Variants in ESR2 observed in about 807,000 individuals in gnomAD.
ESR2 encodes estrogen receptor beta.
A neutral mutation model predicts 49.6 loss-of-function variants in ESR2; 36 were observed. The ratio of observed to expected loss-of-function variants is 0.73; its 90% CI spans 0.56 to 0.96. The LOEUF is 0.96. Ranked by LOEUF, ESR2 falls within the 40% of genes least tolerant of loss-of-function variation. The pLI, the probability that ESR2 is intolerant of heterozygous loss-of-function variation, is 0.00. For missense variants in ESR2, 714 were observed against 693.0 expected (o/e 1.03, Z -0.34); for synonymous variants, 320 against 266.1 (o/e 1.20, Z -1.97).
intron 5 of ESR2, chr14:64,260,051 T>C (rs1284668900): frequency 6.6e-6 from 3 of 455,300 alleles, no homozygotes; most frequent in Admixed American, 4.7e-5. Context: ...AGACCACCTC[T>C]AGGCATGAGA....
At chr14:64,252,079 G>A (rs1253935202) in intron 6 of ESR2, among the ~76,000 whole-genome samples, 3 of 152,172 alleles carry the variant, frequency 2.0e-5, no homozygotes, top group African/African-American at 4.8e-5. Context: ...GCTTTGGGGA[G>A]GCCAAAGTGG....
rs528518112 is a variant in ESR2, at chr14:64,290,571, T to C, written c.-91+3462A>G. Among the ~76,000 whole-genome samples, 4 of 152,092 alleles carry C rather than the reference T, an allele frequency of 2.6e-5. No homozygotes were observed. In the South Asian group the frequency reaches 8.3e-4, roughly 32 times the overall value. On this transcript the variant is annotated intron_variant, in intron 1 of 8. Coordinates refer to ENST00000341099, the MANE Select transcript of ESR2 (RefSeq NM_001437.3). The stretch of plus-strand genomic sequence containing the variant: ...GCTTGAGCCACCATGGCCAGCTAAT[T>C]TTTTGTATTCTTAACAGAGACAAGG...
At chr14:64,310,286 A>AAAAAAAAAAAAAAAAAAAAATAAT (rs1555595498) in intron 1 of ESR2, among the ~76,000 whole-genome samples, 5 of 142,460 alleles carry the variant, frequency 3.5e-5, no homozygotes, top group African/African-American at 1.3e-4. Context: ...TCGTCTCAAA[A>AAAAAAAAAAAAAAAAAAAAATAAT]AATAATAATA....
At chr14:64,256,544 C>A (rs2076099364) in intron 6 of ESR2, among the ~76,000 whole-genome samples, 1 of 152,088 alleles carries the variant, frequency 6.6e-6, no homozygotes, top group Non-Finnish European at 1.5e-5. Flanking sequence ...GCCTGGCCAA[C>A]ATGGTGAAAC....
At chr14:64,284,301 A>G (rs559882155) in intron 1 of ESR2, among the ~76,000 whole-genome samples, 2 of 152,044 alleles carry the variant, frequency 1.3e-5, no homozygotes, top group East Asian at 1.9e-4. Context: ...AAGTGAGCAC[A>G]AGGCTGGGGG....
intron 6 of ESR2, 101 bp from the exon 7 acceptor site, chr14:64,249,780 ACATGTT>A: frequency 1.6e-6 from 2 of 1,219,602 alleles, no homozygotes; most frequent in Non-Finnish European, 2.3e-6. Context: ...TCATCTTGTA[ACATGTT>A]CATCTGATAA....
At position 64,234,950 on chromosome 14, in the gene ESR2, C is replaced by T; in HGVS notation, c.1406+20G>A. 6.2e-7 allele frequency: 1 copy of T among 1,609,252 alleles called. No individual in the cohort carries two copies. Among genetic ancestry groups the T allele is most frequent in the Non-Finnish European group, 8.5e-7 (1 of 1,175,976 alleles). On this transcript the variant is annotated intron_variant, in intron 8 of 8. Transcript: ENST00000341099. Reference sequence around the variant, plus strand: ...AATCCCATCCCAAGCCCAAGCAGAGCAGCTCCTTAGGGCGCGTACCTCGCA... The same window carrying T: ...AATCCCATCCCAAGCCCAAGCAGAGTAGCTCCTTAGGGCGCGTACCTCGCA...
chr14:64,305,667 T>G (rs1036903549), intron 1 of ESR2, among the ~76,000 whole-genome samples: 6 of 151,652 alleles, frequency 4.0e-5, no homozygotes, highest in African/African-American at 1.5e-4. Flanking sequence ...CGAGACTCTG[T>G]CTCAATAAAT....
intron 1 of ESR2, among the ~76,000 whole-genome samples, chr14:64,323,405 A>C (rs1296322072): frequency 6.6e-6 from 1 of 151,992 alleles, no homozygotes; most frequent in Non-Finnish European, 1.5e-5. Context: ...ACAGAGCTTC[A>C]CCATGTTGGC....
chr14:64,235,788 A>C (rs920815962), intron 7 of ESR2, among the ~76,000 whole-genome samples: 1 of 152,158 alleles, frequency 6.6e-6, no homozygotes, highest in African/African-American at 2.4e-5. Flanking sequence ...GCAGGAACAC[A>C]TCTGCTTAGG....
At position 64,327,324 on chromosome 14, in the gene ESR2, G is replaced by A. The variant is rs141550031; in HGVS notation, c.-91+10574C>T. Among the ~76,000 whole-genome samples the A allele has an allele frequency of 3.9e-5, 6 of 152,230 alleles. No homozygotes were observed. The East Asian group carries it at 1.2e-3, about 29-fold the overall frequency. On this transcript the variant is annotated intron_variant, in intron 1 of 8. Coordinates refer to the ESR2 transcript ENST00000358599. ...GCCTGTAATCCCAGCACTTTGGGAG[G>A]CTGAGGCAGGTGAATCACCTGAGCT...
chr14:64,275,693 ACT>A (rs2076545555), intron 3 of ESR2, among the ~76,000 whole-genome samples: 2 of 151,500 alleles, frequency 1.3e-5, no homozygotes, highest in Admixed American at 6.6e-5. Context: ...ACAGAGTGAG[ACT>A]CTGTCTCAAA....
chr14:64,325,390 A>C (rs1452465471), intron 1 of ESR2, among the ~76,000 whole-genome samples: 1 of 152,224 alleles, frequency 6.6e-6, no homozygotes, highest in African/African-American at 2.4e-5. Flanking sequence ...TAGGAAAAAG[A>C]GGAAGGGAAG....
intron 8 of ESR2, 78 bp from the exon 9 acceptor site, chr14:64,233,401 T>C (rs2098729224): frequency 2.1e-6 from 3 of 1,431,970 alleles, no homozygotes; most frequent in Non-Finnish European, 2.9e-6. Context: ...CGGCTCTCTT[T>C]GCTCAGAGCC....
chr14:64,314,063 C>G (rs2077221470), intron 1 of ESR2, among the ~76,000 whole-genome samples: 1 of 152,030 alleles, frequency 6.6e-6, no homozygotes, highest in Non-Finnish European at 1.5e-5. Context: ...CCTACAAGAG[C>G]AGGCTACACA....
chr14:64,310,662 A>C (rs1243426163), intron 1 of ESR2, among the ~76,000 whole-genome samples: 1 of 151,848 alleles, frequency 6.6e-6, no homozygotes, highest in Non-Finnish European at 1.5e-5. Flanking sequence ...AGTAGAGACG[A>C]GGTTTCATTA....
At chr14:64,235,204 C>T (rs1042911458) in intron 7 of ESR2, 54 bp from the exon 8 acceptor site, 10 of 1,576,000 alleles carry the variant, frequency 6.3e-6, no homozygotes, top group African/African-American at 2.7e-5. Flanking sequence ...GAGCAGAAGT[C>T]GTGTGCTCAG....
At chr14:64,305,111 A>G (rs886100505) in intron 1 of ESR2, among the ~76,000 whole-genome samples, 20 of 151,596 alleles carry the variant, frequency 1.3e-4, no homozygotes, top group African/African-American at 4.8e-4. Flanking sequence ...TAACACGGTG[A>G]AACCCCGTCT....
intron 2 of ESR2, among the ~76,000 whole-genome samples, chr14:64,280,801 G>A (rs2076650901): frequency 6.6e-6 from 1 of 152,214 alleles, no homozygotes. Flanking sequence ...CCTGAGGCCA[G>A]AAGTTCGAGA....
Sources: allele counts gnomAD v4.1 joint callset (sites outside exome capture counted in the v4.1 genomes callset), GRCh38; gene constraint gnomAD v4.1.1; transcripts MANE v1.5; gene names NCBI Gene and HGNC (gene_info 2026-07-23, HGNC 2026-07-21).